CASP10: variants seen among roughly 807,000 people sequenced by gnomAD.
CASP10 encodes the protein caspase-10.
A neutral mutation model predicts 48.5 loss-of-function variants in CASP10; 41 were observed. That is an observed-to-expected ratio of 0.85 (90% confidence interval 0.66 to 1.10). The LOEUF is 1.10. Ranked by LOEUF, CASP10 falls within the 50% of genes least tolerant of loss-of-function variation. The probability of loss-of-function intolerance (pLI) is 0.00; values close to 1 mark genes in which losing one functional copy is unlikely to be tolerated. For synonymous variants in CASP10, 232 were observed against 238.4 expected, an observed-to-expected ratio of 0.97 and a Z score of 0.25; for missense variants, 614 against 614.5, an observed-to-expected ratio of 1.00 and a Z score of 0.01.
Position 201,186,599 on chromosome 2 carries a change from A to G in CASP10, c.347+475A>G, listed in dbSNP as rs1944423900. On this transcript the variant is annotated intron_variant, in intron 2 of 9. Transcript: ENST00000286186. ...GCCATGTCTAGTTATAGAAATTTCT[A>G]TATTTTTGGGTGGGAATCCAGAAAG... Among the ~76,000 whole-genome samples, 4 of 152,186 alleles carry G rather than the reference A, an allele frequency of 2.6e-5. No individual in the cohort carries two copies. In the South Asian group the frequency reaches 6.2e-4, roughly 24 times the overall value.
intron 5 of CASP10, among the ~76,000 whole-genome samples, chr2:201,196,904 G>A (rs1397657637): frequency 6.6e-6 from 1 of 151,990 alleles, no homozygotes; most frequent in East Asian, 1.9e-4. Flanking sequence ...TGACTTTTCA[G>A]GGTACCTCAT....
intron 6 of CASP10, among the ~76,000 whole-genome samples, chr2:201,204,228 G>A (rs1007764017): frequency 1.2e-4 from 18 of 152,158 alleles, no homozygotes; most frequent in African/African-American, 4.3e-4. Flanking sequence ...CTGAATCCCT[G>A]CCCAGAAACC....
intron 5 of CASP10, among the ~76,000 whole-genome samples, chr2:201,198,267 A>G (rs1944875746): frequency 6.9e-6 from 1 of 144,046 alleles, no homozygotes; most frequent in Admixed American, 7.3e-5. Context: ...TCTGTCGCCC[A>G]GGCTGGAGTG....
At chr2:201,228,257 C>T (rs375209495) in intron 9 of CASP10, among the ~76,000 whole-genome samples, 54 of 152,144 alleles carry the variant, frequency 3.5e-4, no homozygotes, top group African/African-American at 1.3e-3. Flanking sequence ...ATTGCTCGAA[C>T]CTGAGAGGTG....
chr2:201,229,187 A>G (rs1945829958), exon 10 of CASP10: 1 of 1,409,080 alleles, frequency 7.1e-7, no homozygotes, highest in African/African-American at 1.4e-5. Context: ...CCACCTTGCG[A>G]TTCTGCAGCC....
downstream of CASP10, among the ~76,000 whole-genome samples, chr2:201,223,548 G>A (rs545269036): frequency 6.6e-6 from 1 of 152,280 alleles, no homozygotes; most frequent in South Asian, 2.1e-4. Context: ...TCTCTTCTCT[G>A]TTCTCTGTTT....
chr2:201,211,466 T>A (rs1049503785), intron 9 of CASP10, among the ~76,000 whole-genome samples: 1 of 152,226 alleles, frequency 6.6e-6, no homozygotes, highest in African/African-American at 2.4e-5. Flanking sequence ...AAACAAAGAT[T>A]CCACATGAGT....
At chr2:201,206,074 C>T in intron 7 of CASP10, 101 bp downstream of exon 7, 1 of 700,562 alleles carries the variant, frequency 1.4e-6, no homozygotes, top group South Asian at 1.6e-5. Context: ...TAGGGTCCAG[C>T]CTTCGATGAT....
At chr2:201,216,668 T>G (rs1423078178) in intron 9 of CASP10, among the ~76,000 whole-genome samples, 2 of 152,128 alleles carry the variant, frequency 1.3e-5, no homozygotes, top group African/African-American at 4.8e-5. Flanking sequence ...TCTAAGTGCT[T>G]GACCCAATAT....
At chr2:201,196,909 C>T (rs1944815097) in intron 5 of CASP10, among the ~76,000 whole-genome samples, 1 of 152,088 alleles carries the variant, frequency 6.6e-6, no homozygotes, top group Non-Finnish European at 1.5e-5. Context: ...TTTCAGGGTA[C>T]CTCATATAAG....
intron 9 of CASP10, chr2:201,214,789 G>A (rs1315402638): frequency 1.3e-5 from 2 of 151,946 alleles, no homozygotes; most frequent in Non-Finnish European, 2.9e-5. Flanking sequence ...CATTTGCTAG[G>A]GTGAAGTGTA....
rs748232552 is a variant in CASP10 at position 201,203,706 on chromosome 2, A to G, written c.685-24A>G. 68 of 1,609,228 alleles carry G rather than the reference A, an allele frequency of 4.2e-5. 1 individual carries two copies. In the South Asian group the frequency reaches 4.9e-4, roughly 12 times the overall value. On this transcript the variant is annotated intron_variant, in intron 5 of 9. Coordinates refer to ENST00000286186, the MANE Select transcript of CASP10 (RefSeq NM_032977.4). ...TAACTGTGTGAAATTCCTATGTTTCATGCCCTCCTTTCTTTTTTCTCAGCA... is the reference window on the plus strand; with the variant it reads ...TAACTGTGTGAAATTCCTATGTTTCGTGCCCTCCTTTCTTTTTTCTCAGCA...
downstream of CASP10, among the ~76,000 whole-genome samples, chr2:201,221,839 C>T (rs2126066617): frequency 6.6e-6 from 1 of 152,240 alleles, no homozygotes; most frequent in African/African-American, 2.4e-5. Flanking sequence ...TTTTAGGGGC[C>T]TTCAGCAAGC....
chr2:201,226,103 C>T (rs1211820785), downstream of CASP10, among the ~76,000 whole-genome samples: 1 of 152,094 alleles, frequency 6.6e-6, no homozygotes, highest in Non-Finnish European at 1.5e-5. Flanking sequence ...AAATATTAAA[C>T]AATCCAACCT....
intron 6 of CASP10, 95 bp from the exon 7 acceptor site, chr2:201,205,786 GA>G: frequency 1.3e-6 from 1 of 790,958 alleles, no homozygotes; most frequent in Non-Finnish European, 2.2e-6. Context: ...GGCCTTGAGA[GA>G]AGCATAATTC....
chr2:201,196,865 C>T (rs1944812806), intron 5 of CASP10, among the ~76,000 whole-genome samples: 2 of 152,110 alleles, frequency 1.3e-5, no homozygotes, highest in South Asian at 4.1e-4. Context: ...CCCTGGAAAC[C>T]ACCATTCTAC....
intron 5 of CASP10, among the ~76,000 whole-genome samples, chr2:201,199,140 T>C (rs1316604079): frequency 6.6e-6 from 1 of 152,240 alleles, no homozygotes; most frequent in Non-Finnish European, 1.5e-5. Flanking sequence ...GCATACATCA[T>C]GGCCTTTTAC....
intron 3 of CASP10, among the ~76,000 whole-genome samples, chr2:201,192,541 T>C (rs1944647121): frequency 6.6e-6 from 1 of 152,148 alleles, no homozygotes; most frequent in African/African-American, 2.4e-5. Context: ...GCTGGCTTCC[T>C]AAGCAGTATC....
Position 201,200,665 on chromosome 2 carries a change from G to T in CASP10, c.685-3065G>T, listed in dbSNP as rs1944986647. Reference sequence around the variant, plus strand: ...TTTGAGGGAATCTCAGCTTTGGGAGGCCACTTTGTAAGTGATCTTAAGAGA... The same window carrying T: ...TTTGAGGGAATCTCAGCTTTGGGAGTCCACTTTGTAAGTGATCTTAAGAGA... On this transcript the variant is annotated intron_variant, in intron 5 of 9. Transcript: ENST00000286186. 1.8e-5 allele frequency: 26 copies of T among 1,406,832 alleles called. No individual in the cohort carries two copies. In the South Asian group the frequency reaches 4.3e-4, roughly 23 times the overall value. The allele number at this position is 1,406,832 out of a possible 1,614,324, so 87.1% of individuals were successfully genotyped here. A position where few individuals can be genotyped will look rare whatever the true frequency, so the allele number is the denominator to read the frequency against.
Sources: gnomAD v4.1 joint callset for allele counts (sites outside exome capture counted in the v4.1 genomes callset) on GRCh38, gnomAD v4.1.1 for gene constraint, MANE v1.5 for transcripts, NCBI Gene and HGNC (gene_info 2026-07-23, HGNC 2026-07-21) for gene names.